MSRA: variants seen among roughly 807,000 people sequenced by gnomAD.
MSRA encodes methionine sulfoxide reductase A.
A neutral mutation model predicts 31.3 loss-of-function variants in MSRA; 54 were observed. That is an observed-to-expected ratio of 1.73 (90% CI 1.39 to 2.17). The LOEUF is 2.17. MSRA is among the 30% of genes most tolerant of loss of function. MSRA has a pLI of 0.00. For missense variants in MSRA, 507 were observed against 300.9 expected, an observed-to-expected ratio of 1.69 and a Z score of -5.07; for synonymous variants, 169 against 116.5, an observed-to-expected ratio of 1.45 and a Z score of -2.90.
chr8:10,109,417 C>A, intron 1 of MSRA, among the ~76,000 whole-genome samples: 1 of 151,760 alleles, frequency 6.6e-6, no homozygotes, highest in Non-Finnish European at 1.5e-5. Context: ...TCTTGGCTCA[C>A]TGCAACCTCC....
intron 4 of MSRA, among the ~76,000 whole-genome samples, chr8:10,311,320 G>A (rs950535133): frequency 4.6e-5 from 7 of 152,206 alleles, no homozygotes; most frequent in African/African-American, 1.7e-4. Flanking sequence ...AACCCAGACA[G>A]GTAAGCAGAG....
In MSRA at chr8:10,055,673, A is replaced by G. The variant is rs1263786971; in HGVS notation, c.142+1015A>G. Among the ~76,000 whole-genome samples, 4 of 152,264 alleles carry G rather than the reference A, an allele frequency of 2.6e-5. 1 individual carries two copies. Among genetic ancestry groups the G allele is most frequent in the African/African-American group, 9.6e-5 (4 of 41,472 alleles). ...GGATTAAGTGATGTTTAATCTACAC[A>G]TGGCTCAATGCCAGAGAAATTCAGC... On this transcript the variant is annotated intron_variant, in intron 1 of 5. Coordinates refer to ENST00000317173, the MANE Select transcript of MSRA (RefSeq NM_012331.5).
intron 5 of MSRA, among the ~76,000 whole-genome samples, chr8:10,402,750 A>G (rs905845700): frequency 1.3e-5 from 2 of 152,210 alleles, no homozygotes; most frequent in Non-Finnish European, 2.9e-5. Flanking sequence ...TCAAAAGTAT[A>G]GTGCAGTGAT....
chr8:10,335,464 C>T (rs1802982990), intron 5 of MSRA, among the ~76,000 whole-genome samples: 1 of 152,066 alleles, frequency 6.6e-6, no homozygotes, highest in South Asian at 2.1e-4. Flanking sequence ...TTATCTTCGT[C>T]TTGCTGGGTT....
At chr8:10,229,569 A>C (rs1014235331) in intron 2 of MSRA, among the ~76,000 whole-genome samples, 23 of 152,082 alleles carry the variant, frequency 1.5e-4, no homozygotes, top group African/African-American at 4.8e-4. Context: ...GTGCCTGCGC[A>C]TGTGGGGAGG....
intron 1 of MSRA, among the ~76,000 whole-genome samples, chr8:10,181,674 GGCA>G (rs1806552604): frequency 6.6e-6 from 1 of 152,178 alleles, no homozygotes; most frequent in African/African-American, 2.4e-5. Context: ...AGAGTCAGGA[GGCA>G]ATTCACTAGC....
intron 1 of MSRA, among the ~76,000 whole-genome samples, chr8:10,081,215 T>G (rs1196222798): frequency 6.6e-6 from 1 of 152,150 alleles, no homozygotes; most frequent in Non-Finnish European, 1.5e-5. Flanking sequence ...AGTGGCTGAT[T>G]CCACGTGGAG....
At chr8:10,414,715 C>T (rs893856379) in intron 5 of MSRA, among the ~76,000 whole-genome samples, 1 of 152,220 alleles carries the variant, frequency 6.6e-6, no homozygotes, top group Admixed American at 6.5e-5. Context: ...AGGCTCTTTC[C>T]TTTTAACAAA....
chr8:10,321,564 A>G (rs1416213941), intron 5 of MSRA, among the ~76,000 whole-genome samples: 1 of 152,112 alleles, frequency 6.6e-6, no homozygotes, highest in Non-Finnish European at 1.5e-5. Context: ...CCCATATGTA[A>G]TTCATCTCCT....
At position 10,190,804 on chromosome 8, in the gene MSRA, T is replaced by G. The variant is rs560967766; in HGVS notation, c.143-17029T>G. Among the ~76,000 whole-genome samples the G allele has an allele frequency of 4.6e-5, 7 of 152,312 alleles. No homozygotes were observed. In the South Asian group the frequency reaches 1.4e-3, roughly 32 times the overall value. ...TCATTTTCAAGAAGGGTAGGAGACA[T>G]TGCTATGTGTTCAACTGGTATTTTT... On this transcript the variant is annotated intron_variant, in intron 1 of 5. Coordinates refer to ENST00000317173, the MANE Select transcript of MSRA (RefSeq NM_012331.5).
In MSRA at chr8:10,076,934, T is replaced by A. The variant is rs536378098; in HGVS notation, c.142+22276T>A. Among the ~76,000 whole-genome samples the A allele has an allele frequency of 6.6e-5, 10 of 151,656 alleles. No individual in the cohort carries two copies. The South Asian group carries it at 2.1e-3, about 32-fold the overall frequency. ...GAGAACATTAGAAAAAAAAAGCTAATGCCTGCTGGGCTTAATACGTAGGTA... is the reference window on the plus strand; with the variant it reads ...GAGAACATTAGAAAAAAAAAGCTAAAGCCTGCTGGGCTTAATACGTAGGTA... On this transcript the variant is annotated intron_variant, in intron 1 of 5. Coordinates refer to ENST00000317173, the MANE Select transcript of MSRA (RefSeq NM_012331.5).
intron 4 of MSRA, among the ~76,000 whole-genome samples, chr8:10,313,181 T>C (rs1329305674): frequency 2.0e-5 from 3 of 152,180 alleles, no homozygotes; most frequent in Admixed American, 6.5e-5. Flanking sequence ...CAGACCTGGC[T>C]CAGAAAAACC....
At chr8:10,417,501 G>T (rs146804782) in intron 5 of MSRA, among the ~76,000 whole-genome samples, 2 of 151,158 alleles carry the variant, frequency 1.3e-5, no homozygotes, top group African/African-American at 4.9e-5. Context: ...CCAGTCAGCC[G>T]TCCCCCTTCC....
At chr8:10,077,279 C>T (rs1356467878) in intron 1 of MSRA, among the ~76,000 whole-genome samples, 2 of 152,094 alleles carry the variant, frequency 1.3e-5, no homozygotes, top group Non-Finnish European at 1.5e-5. Flanking sequence ...GTGTGGAGAC[C>T]TGCAGATCCT....
chr8:10,151,138 A>C (rs769404303), intron 1 of MSRA, among the ~76,000 whole-genome samples: 12 of 151,612 alleles, frequency 7.9e-5, no homozygotes, highest in Non-Finnish European at 1.2e-4. Context: ...GGTATCAAGA[A>C]GGGCTTCCTG....
intron 1 of MSRA, among the ~76,000 whole-genome samples, chr8:10,126,072 C>A (rs1030215405): frequency 6.6e-6 from 1 of 152,208 alleles, no homozygotes; most frequent in East Asian, 1.9e-4. Context: ...CCGTGGAAAT[C>A]ATGCTACTTT....
intron 4 of MSRA, among the ~76,000 whole-genome samples, chr8:10,312,348 A>G (rs184344983): frequency 3.9e-5 from 6 of 152,342 alleles, no homozygotes; most frequent in African/African-American, 1.4e-4. Context: ...GATGTGGGAG[A>G]TTTTACAGAA....
intron 1 of MSRA, among the ~76,000 whole-genome samples, chr8:10,127,876 A>G (rs962581851): frequency 6.6e-6 from 1 of 152,018 alleles, no homozygotes; most frequent in Non-Finnish European, 1.5e-5. Flanking sequence ...TCAGACCTCC[A>G]GGAAGAATGG....
intron 5 of MSRA, among the ~76,000 whole-genome samples, chr8:10,364,927 C>G (rs1424494229): frequency 6.6e-6 from 1 of 152,146 alleles, no homozygotes; most frequent in African/African-American, 2.4e-5. Flanking sequence ...ATTAATTGAT[C>G]TTAAAAATCA....
Sources: allele counts gnomAD v4.1 joint callset (sites outside exome capture counted in the v4.1 genomes callset), GRCh38; gene constraint gnomAD v4.1.1; transcripts MANE v1.5; gene names NCBI Gene and HGNC (gene_info 2026-07-23, HGNC 2026-07-21).